The following PEMT variants were observed in gnomAD, a reference collection of about 807,000 sequenced individuals.
PEMT encodes the protein phospholipid methyltransferase.
PEMT carries 23 observed loss-of-function variants against 27.4 expected under a neutral mutation model. The ratio of observed to expected loss-of-function variants is 0.84; its 90% CI spans 0.60 to 1.19. The LOEUF is 1.19. Ranked by LOEUF, PEMT falls within the 50% of genes most tolerant of loss-of-function variation. PEMT has a pLI of 0.00. For synonymous variants in PEMT, 137 were observed against 139.1 expected (o/e 0.98, Z 0.11); for missense variants, 307 against 310.1 (o/e 0.99, Z 0.07).
At chr17:17,541,199 G>A (rs1908858467) in intron 2 of PEMT, among the ~76,000 whole-genome samples, 1 of 152,210 alleles carries the variant, frequency 6.6e-6, no homozygotes, top group Non-Finnish European at 1.5e-5. Flanking sequence ...CCAGGCCCAA[G>A]ACTGGGCATT....
At chr17:17,514,077 C>G (rs1906616437) in intron 3 of PEMT, among the ~76,000 whole-genome samples, 1 of 152,294 alleles carries the variant, frequency 6.6e-6, no homozygotes, top group Non-Finnish European at 1.5e-5. Flanking sequence ...AATGTATCCT[C>G]TATCTGCCCA....
chr17:17,511,040 C>T (rs1215727898), intron 4 of PEMT, among the ~76,000 whole-genome samples: 1 of 152,168 alleles, frequency 6.6e-6, no homozygotes, highest in Non-Finnish European at 1.5e-5. Flanking sequence ...CTGGGACCCC[C>T]CCTATGGCTC....
chr17:17,529,082 C>G (rs1449862629), intron 2 of PEMT, among the ~76,000 whole-genome samples: 1 of 152,240 alleles, frequency 6.6e-6, no homozygotes, highest in Non-Finnish European at 1.5e-5. Context: ...GAGCCCAGCA[C>G]AGGACCCAGT....
In PEMT at chr17:17,582,419, G is replaced by A. The variant is rs1912026354; in HGVS notation, c.97-5392C>T. 1 of 985,474 alleles carries A rather than the reference G, an allele frequency of 1.0e-6. No homozygotes were observed. Among genetic ancestry groups the A allele is most frequent in the Non-Finnish European group, 1.2e-6 (1 of 829,946 alleles). 61.0% of individuals were successfully genotyped at this position (985,474 alleles called of 1,614,324 possible). A position where few individuals can be genotyped will look rare whatever the true frequency, so the allele number is the denominator to read the frequency against. On this transcript the variant is annotated intron_variant, in intron 1 of 6. Coordinates refer to ENST00000255389, the MANE Select transcript of PEMT (RefSeq NM_148172.3). The surrounding 1 kb of genome is among the most constrained non-coding windows in gnomAD (Gnocchi z 4.9). ...GGGGTGCAGGGTTCTCGGGAGCAGCGCTCTGTGGTCAGGGAATGATCTGCA... is the reference window on the plus strand; with the variant it reads ...GGGGTGCAGGGTTCTCGGGAGCAGCACTCTGTGGTCAGGGAATGATCTGCA...
intron 3 of PEMT, among the ~76,000 whole-genome samples, chr17:17,521,849 G>C (rs964173857): frequency 6.6e-6 from 1 of 152,148 alleles, no homozygotes; most frequent in Non-Finnish European, 1.5e-5. Flanking sequence ...TTACAGGTGT[G>C]AGCCACCACG....
intron 1 of PEMT, among the ~76,000 whole-genome samples, chr17:17,586,469 A>T (rs1039894990): frequency 3.3e-5 from 5 of 152,142 alleles, no homozygotes; most frequent in African/African-American, 1.2e-4. Context: ...AATAGAAAGC[A>T]TACACAGTAT....
chr17:17,515,532 A>G (rs537857916), intron 3 of PEMT, among the ~76,000 whole-genome samples: 3 of 152,270 alleles, frequency 2.0e-5, no homozygotes, highest in African/African-American at 7.2e-5. Context: ...TCATTTGCTC[A>G]GAGTCGGCAG....
chr17:17,511,512 A>T (rs1200707872), intron 4 of PEMT, among the ~76,000 whole-genome samples: 1 of 152,116 alleles, frequency 6.6e-6, no homozygotes, highest in African/African-American at 2.4e-5. Context: ...GGGCCCAAGG[A>T]GCTGTAGCCG....
chr17:17,511,384 G>A (rs1906382541), intron 4 of PEMT, among the ~76,000 whole-genome samples: 1 of 152,210 alleles, frequency 6.6e-6, no homozygotes, highest in Non-Finnish European at 1.5e-5. Context: ...GGCCATGGGC[G>A]ATCCAGAATG....
At chr17:17,586,209 A>C (rs564426733) in intron 1 of PEMT, among the ~76,000 whole-genome samples, 5 of 141,262 alleles carry the variant, frequency 3.5e-5, no homozygotes, top group Admixed American at 3.5e-4. Flanking sequence ...AAAGAAAGAA[A>C]GAAAGAAAAA....
intron 2 of PEMT, among the ~76,000 whole-genome samples, chr17:17,573,163 T>C (rs1228322935): frequency 6.7e-6 from 1 of 148,900 alleles, no homozygotes; most frequent in Non-Finnish European, 1.5e-5. Context: ...CACTCCAGCC[T>C]GGGCAACAGA....
intron 3 of PEMT, among the ~76,000 whole-genome samples, chr17:17,516,960 C>T (rs1906884485): frequency 6.6e-6 from 1 of 152,194 alleles, no homozygotes; most frequent in South Asian, 2.1e-4. Context: ...TCCTAATCAG[C>T]TGGCCTTGAG....
At chr17:17,553,398 A>T (rs1597923686) in intron 2 of PEMT, among the ~76,000 whole-genome samples, 1 of 152,162 alleles carries the variant, frequency 6.6e-6, no homozygotes, top group Non-Finnish European at 1.5e-5. Context: ...TCTTCTGTGG[A>T]GGCTGTGAGA....
chr17:17,507,712 G>A (rs776572262), intron 5 of PEMT: 51 of 122,752 alleles, frequency 4.2e-4, no homozygotes, highest in Non-Finnish European at 6.7e-4. Flanking sequence ...CCTACATGCC[G>A]GGGAGCTCAG....
intron 2 of PEMT, among the ~76,000 whole-genome samples, chr17:17,573,783 CT>C (rs960757199): frequency 6.6e-6 from 1 of 152,022 alleles, no homozygotes; most frequent in African/African-American, 2.4e-5. Flanking sequence ...GTTGGCCTGT[CT>C]TTGTTTTTGT....
intron 1 of PEMT, among the ~76,000 whole-genome samples, chr17:17,583,439 C>T (rs1169489997): frequency 1.3e-5 from 2 of 152,144 alleles, no homozygotes; most frequent in African/African-American, 4.8e-5. Flanking sequence ...AGAGGAGAAG[C>T]CATTTCATAT....
At chr17:17,515,312 C>T (rs1906738926) in intron 3 of PEMT, among the ~76,000 whole-genome samples, 1 of 152,200 alleles carries the variant, frequency 6.6e-6, no homozygotes, top group Non-Finnish European at 1.5e-5. Flanking sequence ...GGGCATGGCT[C>T]AGTAGGCAAA....
At chr17:17,534,790 T>C (rs1446365531) in intron 2 of PEMT, among the ~76,000 whole-genome samples, 2 of 152,222 alleles carry the variant, frequency 1.3e-5, no homozygotes, top group Non-Finnish European at 2.9e-5. Context: ...ACGAATGCAC[T>C]CCAGCCTGGG....
At chr17:17,533,649 G>A (rs1446883811) in intron 2 of PEMT, among the ~76,000 whole-genome samples, 2 of 151,864 alleles carry the variant, frequency 1.3e-5, no homozygotes, top group African/African-American at 4.8e-5. Context: ...GAGGGTTGGA[G>A]AGAAGCAGAG....
Sources: allele counts gnomAD v4.1 joint callset (sites outside exome capture counted in the v4.1 genomes callset), GRCh38; gene constraint gnomAD v4.1.1; non-coding constraint Gnocchi (gnomAD v3.1); transcripts MANE v1.5; gene names NCBI Gene and HGNC (gene_info 2026-07-23, HGNC 2026-07-21).